The following PIK3R4 variants were observed in gnomAD, a reference collection of about 807,000 sequenced individuals.
PIK3R4 encodes phosphoinositide 3-kinase regulatory subunit 4.
PIK3R4 carries 46 observed loss-of-function variants against 136.5 expected under a neutral mutation model. The ratio of observed to expected loss-of-function variants is 0.34; its 90% CI spans 0.27 to 0.43. PIK3R4 has a LOEUF of 0.43. PIK3R4 is among the 20% of genes least tolerant of loss of function. The probability of loss-of-function intolerance (pLI) is 1.00; values close to 1 mark genes in which losing one functional copy is unlikely to be tolerated. For missense variants in PIK3R4, 1,331 were observed against 1,649.5 expected, an observed-to-expected ratio of 0.81 and a Z score of 3.35; for synonymous variants, 557 against 566.7, an observed-to-expected ratio of 0.98 and a Z score of 0.24.
At position 130,745,133 on chromosome 3, in the gene PIK3R4, T is replaced by C; in HGVS notation, c.86A>G (p.Asp29Gly). Reference protein sequence around the residue: ...YFSDIHDFEYDKSLGSTRFFK... With the variant: ...YFSDIHDFEYGKSLGSTRFFK... ...AAACCGAGTACTCCCCAGGCTTTTA[T>C]CATATTCAAAGTCATGAATATCTGA... The change falls in exon 2 of 20, where the codon GAT (aspartate) becomes GGT (glycine). Residue 29 changes from aspartate to glycine, a missense_variant. Around this residue, in one of 2 missense-constraint regions of PIK3R4, gnomAD observed 151 missense variants for 242.5 expected, o/e 0.62. Coordinates refer to ENST00000356763, the MANE Select transcript of PIK3R4 (RefSeq NM_014602.3). The C allele has an allele frequency of 6.2e-7, 1 of 1,613,688 alleles. No homozygotes were observed. The highest frequency in any genetic ancestry group is 8.5e-7 in the Non-Finnish European group (1 of 1,179,984).
At chr3:130,685,668 T>C (rs1162769264) in intron 15 of PIK3R4, among the ~76,000 whole-genome samples, 1 of 152,212 alleles carries the variant, frequency 6.6e-6, no homozygotes, top group Non-Finnish European at 1.5e-5. Flanking sequence ...TCTTTAGCCT[T>C]TGGAGACAAG....
intron 4 of PIK3R4, 107 bp downstream of exon 4, chr3:130,733,441 C>G: frequency 1.4e-6 from 1 of 702,526 alleles, no homozygotes; most frequent in Non-Finnish European, 2.4e-6. Context: ...GTTCAAAGAG[C>G]AAAGTTCATA....
chr3:130,740,616 T>A (rs1251991704), intron 2 of PIK3R4, among the ~76,000 whole-genome samples: 1 of 152,072 alleles, frequency 6.6e-6, no homozygotes, highest in African/African-American at 2.4e-5. Context: ...GGCACATGCC[T>A]GCAATCCCAG....
At chr3:130,679,633 A>C in intron 19 of PIK3R4, 148 bp from the exon 20 acceptor site, 2 of 530,058 alleles carry the variant, frequency 3.8e-6, no homozygotes, top group South Asian at 2.9e-5. Context: ...ATTGAGCAAA[A>C]GGAGTAGAGG....
intron 2 of PIK3R4, among the ~76,000 whole-genome samples, chr3:130,742,843 C>A (rs143635383): frequency 6.6e-6 from 1 of 152,238 alleles, no homozygotes; most frequent in East Asian, 1.9e-4. Flanking sequence ...ACTCTCAACA[C>A]ACTTCTTCCT....
chr3:130,679,486 C>CT lies in PIK3R4; in HGVS notation c.3907-2dup. On this transcript the variant is annotated splice_acceptor_variant, in intron 19 of 19. Coordinates refer to ENST00000356763, the MANE Select transcript of PIK3R4 (RefSeq NM_014602.3). LOFTEE classifies it high-confidence loss of function. ...CTACTTTCTGCTTATTCTGAATTTC[C>CT]TGTTTGGTGATTAAAAGGGAGCAAG... The CT allele has an allele frequency of 6.2e-7, 1 of 1,607,198 alleles. No homozygotes were observed. Among genetic ancestry groups the CT allele is most frequent in the Non-Finnish European group, 8.5e-7 (1 of 1,175,328 alleles).
intron 13 of PIK3R4, among the ~76,000 whole-genome samples, chr3:130,702,633 C>A (rs2066581394): frequency 6.6e-6 from 1 of 151,900 alleles, no homozygotes; most frequent in Non-Finnish European, 1.5e-5. Flanking sequence ...TCTTTTCAGA[C>A]CAAACTAGGC....
At chr3:130,733,439 A>G (rs59527143) in intron 4 of PIK3R4, 109 bp downstream of exon 4, 144,464 of 689,568 alleles carry the variant, frequency 0.21, 16,356 homozygotes, top group South Asian at 0.35. Context: ...TAGTTCAAAG[A>G]GCAAAGTTCA....
chr3:130,729,766 C>T (rs998470894), intron 5 of PIK3R4, among the ~76,000 whole-genome samples: 2 of 152,130 alleles, frequency 1.3e-5, no homozygotes, highest in African/African-American at 4.8e-5. Flanking sequence ...GAGAAAATTA[C>T]ATCTATTACT....
At chr3:130,690,441 A>C in intron 14 of PIK3R4, 49 bp downstream of exon 14, 21 of 1,269,066 alleles carry the variant, frequency 1.7e-5, no homozygotes, top group South Asian at 2.8e-5. Flanking sequence ...GACTTAAGGT[A>C]CTGTAGTGCA....
At chr3:130,732,069 A>G (rs1366724988) in intron 4 of PIK3R4, among the ~76,000 whole-genome samples, 1 of 152,218 alleles carries the variant, frequency 6.6e-6, no homozygotes, top group East Asian at 1.9e-4. Context: ...ACCAAAGAAA[A>G]GCAGGATTGC....
In PIK3R4 at chr3:130,680,733, G is replaced by GAAAT. The variant is rs758689495; in HGVS notation, c.3798-16_3798-13dup. On this transcript the variant is annotated splice_polypyrimidine_tract_variant and intron_variant, in intron 18 of 19. Coordinates refer to ENST00000356763, the MANE Select transcript of PIK3R4 (RefSeq NM_014602.3). ...CCAAGTCCCAAAACCTAGGAAAGAG[G>GAAAT]AAATAAATGATGACAATCTCTTCAG... 4.2e-5 allele frequency: 62 copies of GAAAT among 1,491,572 alleles called. No individual in the cohort carries two copies. Among genetic ancestry groups the GAAAT allele is most frequent in the Non-Finnish European group, 5.6e-5 (60 of 1,072,488 alleles). 92.4% of individuals were successfully genotyped at this position (1,491,572 alleles called of 1,614,324 possible). A position where few individuals can be genotyped will look rare whatever the true frequency, so the allele number is the denominator to read the frequency against.
intron 3 of PIK3R4, among the ~76,000 whole-genome samples, chr3:130,734,708 A>T (rs1337464047): frequency 1.3e-5 from 2 of 150,872 alleles, no homozygotes; most frequent in Admixed American, 6.6e-5. Context: ...CAAACACTAG[A>T]AATGATACAC....
intron 10 of PIK3R4, 125 bp downstream of exon 10, chr3:130,708,166 C>T (rs2066615908): frequency 1.4e-6 from 1 of 721,166 alleles, no homozygotes; most frequent in African/African-American, 1.8e-5. Flanking sequence ...GTAATGGAGT[C>T]ACTGTATTTG....
chr3:130,687,842 CTTGTT>C (rs2066497835), intron 14 of PIK3R4, among the ~76,000 whole-genome samples: 1 of 152,078 alleles, frequency 6.6e-6, no homozygotes, highest in Non-Finnish European at 1.5e-5. Context: ...ATGCTCCAGG[CTTGTT>C]TTATTTTTCC....
At chr3:130,739,372 G>A (rs1004503391) in intron 2 of PIK3R4, among the ~76,000 whole-genome samples, 1 of 151,526 alleles carries the variant, frequency 6.6e-6, no homozygotes, top group African/African-American at 2.4e-5. Flanking sequence ...GACCGCGCTG[G>A]CCTTTTGTTT....
At chr3:130,733,223 A>G (rs2066767954) in intron 4 of PIK3R4, among the ~76,000 whole-genome samples, 1 of 152,240 alleles carries the variant, frequency 6.6e-6, no homozygotes, top group Non-Finnish European at 1.5e-5. Context: ...CATATTTGTC[A>G]GAGAAACTTC....
In PIK3R4 at chr3:130,679,141, C is replaced by G. The variant is rs552033816; in HGVS notation, c.*174G>C. ...TCTTGCAAAGAGATGCATAAGTAAA[C>G]TAGTCAAGTACATCTTAACCATTTT... On this transcript the variant is annotated 3_prime_UTR_variant, in exon 20 of 20. Transcript: ENST00000356763. 5.3e-6 allele frequency: 2 copies of G among 377,010 alleles called. No individual in the cohort carries two copies. Among genetic ancestry groups the G allele is most frequent in the Non-Finnish European group, 9.4e-6 (2 of 213,348 alleles). The allele number at this position is 377,010 out of a possible 1,614,324, so 23.4% of individuals were successfully genotyped here. A position where few individuals can be genotyped will look rare whatever the true frequency, so the allele number is the denominator to read the frequency against.
chr3:130,718,322 T>C, intron 8 of PIK3R4, 67 bp downstream of exon 8: 3 of 1,395,256 alleles, frequency 2.2e-6, no homozygotes, highest in Admixed American at 1.8e-5. Flanking sequence ...AATAGGACTC[T>C]CTAAACATTT....
Sources: gnomAD v4.1 joint callset for allele counts (sites outside exome capture counted in the v4.1 genomes callset) on GRCh38, gnomAD v4.1.1 for gene constraint, gnomAD v4.1.1 regional missense constraint, MANE v1.5 for transcripts, NCBI Gene and HGNC (gene_info 2026-07-23, HGNC 2026-07-21) for gene names.